GABRB1: variants seen among roughly 807,000 people sequenced by gnomAD.
GABRB1 encodes the protein gamma-aminobutyric acid receptor subunit beta-1.
A neutral mutation model predicts 51.6 loss-of-function variants in GABRB1; 17 were observed. That is an observed-to-expected ratio of 0.33 (90% CI 0.23 to 0.49). The LOEUF is 0.49. GABRB1 is among the 20% of genes least tolerant of loss of function. The pLI is 0.99. For synonymous variants in GABRB1, 247 were observed against 218.9 expected, an observed-to-expected ratio of 1.13 and a Z score of -1.14; for missense variants, 410 against 600.6, an observed-to-expected ratio of 0.68 and a Z score of 3.32.
At chr4:47,031,891 C>T in intron 1 of GABRB1, 23 bp from the exon 2 acceptor site, 1 of 1,600,470 alleles carries the variant, frequency 6.2e-7, no homozygotes, top group Non-Finnish European at 8.6e-7. Flanking sequence ...ATTTTGAATA[C>T]GGTCCCTACT....
intron 4 of GABRB1, among the ~76,000 whole-genome samples, chr4:47,307,665 A>G (rs1345996761): frequency 6.6e-6 from 1 of 152,050 alleles, no homozygotes; most frequent in Admixed American, 6.6e-5. Flanking sequence ...GAATAAGACA[A>G]CAGCAAAGTT....
At chr4:47,328,188 GT>G (rs1725327211) in intron 5 of GABRB1, among the ~76,000 whole-genome samples, 2 of 152,018 alleles carry the variant, frequency 1.3e-5, no homozygotes, top group African/African-American at 4.8e-5. Context: ...ATTTGTTTGA[GT>G]TCATTGTAGA....
intron 4 of GABRB1, among the ~76,000 whole-genome samples, chr4:47,280,377 AT>A (rs1399467895): frequency 4.6e-5 from 7 of 151,462 alleles, no homozygotes; most frequent in Non-Finnish European, 4.4e-5. Flanking sequence ...TATTTGTAAT[AT>A]TTTTGTCTTT....
intron 1 of GABRB1, among the ~76,000 whole-genome samples, chr4:46,995,317 C>T (rs374046336): frequency 7.8e-4 from 119 of 152,266 alleles, no homozygotes; most frequent in African/African-American, 2.7e-3. Flanking sequence ...AAGCATTAGT[C>T]ACCACAGATT....
At chr4:47,371,224 A>G (rs1727180321) in intron 5 of GABRB1, among the ~76,000 whole-genome samples, 1 of 152,078 alleles carries the variant, frequency 6.6e-6, no homozygotes, top group Non-Finnish European at 1.5e-5. Context: ...AGCTGAGGAT[A>G]ACGGCTTCCA....
chr4:47,070,539 C>G (rs749458530), intron 3 of GABRB1, among the ~76,000 whole-genome samples: 1 of 150,190 alleles, frequency 6.7e-6, no homozygotes, highest in Non-Finnish European at 1.5e-5. Flanking sequence ...ACCATGTTGG[C>G]TAGGCTGTTC....
upstream of GABRB1, among the ~76,000 whole-genome samples, chr4:47,027,983 C>T (rs766012935): frequency 6.6e-6 from 1 of 151,638 alleles, no homozygotes; most frequent in Non-Finnish European, 1.5e-5. Context: ...TTTATACTGT[C>T]CCCAAAGTAT....
intron 1 of GABRB1, among the ~76,000 whole-genome samples, chr4:47,003,490 T>C (rs1446565136): frequency 5.9e-5 from 9 of 152,220 alleles, no homozygotes; most frequent in Admixed American, 5.9e-4. Flanking sequence ...AATAACAATA[T>C]TTTAAACCAA....
chr4:47,240,328 A>G (rs749798908), intron 4 of GABRB1, among the ~76,000 whole-genome samples: 21 of 152,146 alleles, frequency 1.4e-4, no homozygotes, highest in Non-Finnish European at 2.9e-4. Context: ...CAAAGTCCCT[A>G]TTTTTGCCAA....
intron 3 of GABRB1, among the ~76,000 whole-genome samples, chr4:47,071,379 C>T (rs1435655783): frequency 6.6e-6 from 1 of 152,090 alleles, no homozygotes; most frequent in African/African-American, 2.4e-5. Flanking sequence ...CTTTCTTACT[C>T]AAAAGAAAAT....
chr4:47,111,559 A>G (rs1715210835), intron 3 of GABRB1, among the ~76,000 whole-genome samples: 1 of 152,102 alleles, frequency 6.6e-6, no homozygotes, highest in African/African-American at 2.4e-5. Context: ...TCAAAAATAC[A>G]TCCTTATTAG....
At chr4:47,233,155 C>T (rs941313412) in intron 4 of GABRB1, among the ~76,000 whole-genome samples, 29 of 152,080 alleles carry the variant, frequency 1.9e-4, no homozygotes, top group African/African-American at 6.3e-4. Context: ...GGATTACAGG[C>T]GTGATCCACC....
intron 3 of GABRB1, among the ~76,000 whole-genome samples, chr4:47,159,922 T>A (rs1394806723): frequency 1.3e-5 from 2 of 152,106 alleles, no homozygotes; most frequent in African/African-American, 4.8e-5. Flanking sequence ...AAGTCACTAT[T>A]GCCATATGAA....
At chr4:47,290,380 C>T (rs917718706) in intron 4 of GABRB1, among the ~76,000 whole-genome samples, 2 of 152,154 alleles carry the variant, frequency 1.3e-5, no homozygotes, top group Non-Finnish European at 2.9e-5. Flanking sequence ...CCTCCTCCAC[C>T]ACATGGAAAT....
chr4:47,348,891 G>T (rs1377630050), intron 5 of GABRB1, among the ~76,000 whole-genome samples: 1 of 152,192 alleles, frequency 6.6e-6, no homozygotes, highest in Non-Finnish European at 1.5e-5. Context: ...GAAAGAAGTA[G>T]ATGAATTCCA....
intron 1 of GABRB1, among the ~76,000 whole-genome samples, chr4:46,996,819 T>TAATAAATTA (rs1724015035): frequency 6.6e-6 from 1 of 152,162 alleles, no homozygotes; most frequent in Admixed American, 6.5e-5. Context: ...ATTTGAGTGG[T>TAATAAATTA]AATAAATTAA....
intron 5 of GABRB1, among the ~76,000 whole-genome samples, chr4:47,333,157 T>G (rs1336118118): frequency 6.9e-6 from 1 of 145,648 alleles, no homozygotes; most frequent in Non-Finnish European, 1.5e-5. Context: ...TTTATATATT[T>G]AAAAATATAT....
At chr4:47,304,107 A>G (rs1208805876) in intron 4 of GABRB1, among the ~76,000 whole-genome samples, 1 of 152,026 alleles carries the variant, frequency 6.6e-6, no homozygotes, top group East Asian at 1.9e-4. Flanking sequence ...TGAACATGGG[A>G]ATGCAGATAT....
At chr4:47,349,757 T>A (rs1726240603) in intron 5 of GABRB1, among the ~76,000 whole-genome samples, 1 of 152,222 alleles carries the variant, frequency 6.6e-6, no homozygotes, top group African/African-American at 2.4e-5. Flanking sequence ...ATTTGTCTCA[T>A]TAATAAGATT....
Sources: gnomAD v4.1 joint callset for allele counts (sites outside exome capture counted in the v4.1 genomes callset) on GRCh38, gnomAD v4.1.1 for gene constraint, MANE v1.5 for transcripts, NCBI Gene and HGNC (gene_info 2026-07-23, HGNC 2026-07-21) for gene names.